SUMF1: variants seen among roughly 807,000 people sequenced by gnomAD.
SUMF1 encodes formylglycine-generating enzyme.
Under a neutral mutation model 47.6 loss-of-function variants are expected in SUMF1, and 48 were observed. The observed-to-expected ratio is 1.01, with a 90% CI of 0.80 to 1.28. The LOEUF is 1.28. Among genes scored for constraint, SUMF1 ranks in the 50% most tolerant of loss-of-function variants. The pLI, the probability that SUMF1 is intolerant of heterozygous loss-of-function variation, is 0.00. For synonymous variants in SUMF1, 230 were observed against 192.1 expected (o/e 1.20, Z -1.63); for missense variants, 571 against 485.4 (o/e 1.18, Z -1.66).
At chr3:4,175,750 G>A (rs898070251) in intron 8 of SUMF1, among the ~76,000 whole-genome samples, 1 of 152,116 alleles carries the variant, frequency 6.6e-6, no homozygotes, top group Non-Finnish European at 1.5e-5. Context: ...CGAGCTAAAG[G>A]AGGATGTTCA....
intron 8 of SUMF1, among the ~76,000 whole-genome samples, chr3:4,172,050 G>C (rs1694843538): frequency 1.3e-5 from 2 of 152,170 alleles, no homozygotes; most frequent in Admixed American, 6.5e-5. Flanking sequence ...AACTGAGGCA[G>C]AGACTGGTTA....
chr3:4,078,160 T>A (rs1692480491), intron 8 of SUMF1, among the ~76,000 whole-genome samples: 1 of 152,096 alleles, frequency 6.6e-6, no homozygotes, highest in African/African-American at 2.4e-5. Flanking sequence ...CTCAAAATCT[T>A]TTTGAAAGCA....
chr3:4,245,951 G>A (rs767044813), intron 8 of SUMF1, among the ~76,000 whole-genome samples: 2 of 151,746 alleles, frequency 1.3e-5, no homozygotes, highest in East Asian at 1.9e-4. Flanking sequence ...ACTGCCTACT[G>A]AAGCCTCAGC....
At chr3:4,331,072 C>G (rs1400635590) in intron 8 of SUMF1, among the ~76,000 whole-genome samples, 1 of 152,082 alleles carries the variant, frequency 6.6e-6, no homozygotes, top group African/African-American at 2.4e-5. Flanking sequence ...CATACAATTC[C>G]TTTCACAAGG....
intron 8 of SUMF1, among the ~76,000 whole-genome samples, chr3:4,070,027 A>T (rs1019834296): frequency 6.6e-6 from 1 of 152,116 alleles, no homozygotes; most frequent in African/African-American, 2.4e-5. Context: ...TCCTCTGCAC[A>T]ATAAAACTTA....
chr3:4,460,600 G>A (rs926124718), intron 1 of SUMF1, among the ~76,000 whole-genome samples: 1 of 88,466 alleles, frequency 1.1e-5, no homozygotes, highest in African/African-American at 5.4e-5. Flanking sequence ...CACACACACA[G>A]TGTGTGTGTG....
intron 8 of SUMF1, among the ~76,000 whole-genome samples, chr3:4,168,857 T>C (rs538329617): frequency 4.6e-5 from 7 of 152,288 alleles, no homozygotes; most frequent in African/African-American, 1.7e-4. Context: ...ACAGTTGATA[T>C]AAATGAATGA....
chr3:4,291,447 CTCCT>C (rs1330271603), intron 8 of SUMF1, among the ~76,000 whole-genome samples: 1 of 152,162 alleles, frequency 6.6e-6, no homozygotes, highest in Non-Finnish European at 1.5e-5. Context: ...GCCTTCCTCT[CTCCT>C]TCTTTTTACC....
chr3:4,121,842 AT>A (rs1237756135), intron 8 of SUMF1, among the ~76,000 whole-genome samples: 1 of 151,872 alleles, frequency 6.6e-6, no homozygotes, highest in Non-Finnish European at 1.5e-5. Context: ...CCCATTAGTT[AT>A]TTTTCCTGAT....
chr3:4,326,542 G>C (rs557347836), intron 8 of SUMF1, among the ~76,000 whole-genome samples: 2 of 71,754 alleles, frequency 2.8e-5, no homozygotes, highest in Non-Finnish European at 2.4e-5. Flanking sequence ...TTTTGAGATA[G>C]ATCCTCACTC....
At chr3:4,251,621 T>G (rs886070406) in intron 8 of SUMF1, among the ~76,000 whole-genome samples, 3 of 152,222 alleles carry the variant, frequency 2.0e-5, no homozygotes, top group Non-Finnish European at 4.4e-5. Flanking sequence ...CAACTTTCAG[T>G]GACCTCCATC....
intron 8 of SUMF1, among the ~76,000 whole-genome samples, chr3:4,247,523 G>A (rs1282040179): frequency 6.6e-6 from 1 of 151,674 alleles, no homozygotes; most frequent in Non-Finnish European, 1.5e-5. Flanking sequence ...ACCTACTACA[G>A]TAGATTAGTA....
At chr3:4,406,676 A>C (rs781777066) in intron 7 of SUMF1, among the ~76,000 whole-genome samples, 11 of 152,114 alleles carry the variant, frequency 7.2e-5, no homozygotes, top group Admixed American at 1.3e-4. Flanking sequence ...AACAAAATAA[A>C]ACAAAAACAA....
chr3:4,197,904 T>C (rs1002305051), intron 8 of SUMF1, among the ~76,000 whole-genome samples: 14 of 152,140 alleles, frequency 9.2e-5, no homozygotes, highest in African/African-American at 2.7e-4. Flanking sequence ...AAGCAGCATA[T>C]GGCTCTGAAA....
At position 4,414,510 on chromosome 3, in the gene SUMF1, T is replaced by C. The variant is rs556344374; in HGVS notation, c.840+2618A>G. The C allele has an allele frequency of 3.3e-5, 5 of 152,332 alleles. No homozygotes were observed. In the South Asian group the frequency reaches 1.0e-3, roughly 32 times the overall value. 9.4% of individuals were successfully genotyped at this position (152,332 alleles called of 1,614,324 possible). On this transcript the variant is annotated intron_variant, in intron 6 of 8. Transcript: ENST00000272902. ...CTACGTGTAAACGATTGCCATAAGA[T>C]AGAGATCTCATTAAGACTCATTCTA...
intron 8 of SUMF1, among the ~76,000 whole-genome samples, chr3:4,207,595 T>A (rs993152200): frequency 2.0e-5 from 3 of 152,188 alleles, no homozygotes; most frequent in Non-Finnish European, 4.4e-5. Context: ...TCTATTAAGA[T>A]GATGTATTAC....
intron 8 of SUMF1, among the ~76,000 whole-genome samples, chr3:4,149,657 T>A (rs59888757): frequency 8.6e-4 from 131 of 152,264 alleles, no homozygotes; most frequent in African/African-American, 3.1e-3. Context: ...GAAGCAACCA[T>A]CCCCACTTGG....
chr3:4,071,938 C>G (rs1444927184), intron 8 of SUMF1, among the ~76,000 whole-genome samples: 1 of 152,176 alleles, frequency 6.6e-6, no homozygotes, highest in East Asian at 1.9e-4. Context: ...GGCATTGGAG[C>G]TCTTATAATG....
intron 8 of SUMF1, among the ~76,000 whole-genome samples, chr3:4,102,276 A>C (rs1353241638): frequency 1.3e-5 from 2 of 152,312 alleles, no homozygotes; most frequent in African/African-American, 4.8e-5. Flanking sequence ...GATATCAATA[A>C]GCATTTGTAC....
Sources: gnomAD v4.1 joint callset for allele counts (sites outside exome capture counted in the v4.1 genomes callset) on GRCh38, gnomAD v4.1.1 for gene constraint, MANE v1.5 for transcripts, NCBI Gene and HGNC (gene_info 2026-07-23, HGNC 2026-07-21) for gene names.